The following CKMT2 variants were observed in gnomAD, a reference collection of about 807,000 sequenced individuals.
The protein encoded by CKMT2 is creatine kinase S-type, mitochondrial.
A neutral mutation model predicts 48.9 loss-of-function variants in CKMT2; 43 were observed. The observed-to-expected ratio is 0.88, with a 90% CI of 0.69 to 1.13. The LOEUF is 1.13. Ranked by LOEUF, CKMT2 falls within the 50% of genes most tolerant of loss-of-function variation. CKMT2 has a pLI of 0.00. For missense variants in CKMT2, 472 were observed against 555.4 expected (o/e 0.85, Z 1.51); for synonymous variants, 206 against 213.0 (o/e 0.97, Z 0.29).
intron 1 of CKMT2, chr5:81,244,304 C>A: frequency 1.9e-6 from 1 of 513,100 alleles, no homozygotes; most frequent in Non-Finnish European, 2.5e-6. Flanking sequence ...TGGTGTGGGC[C>A]TCTGTGTTCT....
chr5:81,254,398 G>T lies in CKMT2; in HGVS notation c.354G>T (p.Val118=). ...AACACCCATCTTCCCTCCTGCAGGT[G>T]TTTGCTGACCTTTTTGACCCCGTCA... ...MVAGDEESYE[V]FADLFDPVIK... The change falls in exon 4 of 10, where the codon GTG becomes GTT. Residue 118 remains valine, a splice_region_variant and synonymous_variant. Coordinates refer to ENST00000254035, the MANE Select transcript of CKMT2 (RefSeq NM_001099735.2). 2 of 1,614,028 alleles carry T rather than the reference G, an allele frequency of 1.2e-6. No homozygotes were observed. Among genetic ancestry groups the T allele is most frequent in the Non-Finnish European group, 1.7e-6 (2 of 1,179,864 alleles).
At chr5:81,247,736 A>G (rs1237249700) in intron 1 of CKMT2, among the ~76,000 whole-genome samples, 1 of 152,222 alleles carries the variant, frequency 6.6e-6, no homozygotes, top group Non-Finnish European at 1.5e-5. Flanking sequence ...GTGAAATTCA[A>G]TGCCTCTTTG....
At chr5:81,241,604 A>G (rs1199813967) in intron 1 of CKMT2, among the ~76,000 whole-genome samples, 2 of 152,208 alleles carry the variant, frequency 1.3e-5, no homozygotes, top group African/African-American at 4.8e-5. Context: ...TCCTTTTGAT[A>G]AAGGCAATTA....
At chr5:81,263,407 A>C (rs1233754318) in intron 8 of CKMT2, 84 bp from the exon 9 acceptor site, 1 of 820,474 alleles carries the variant, frequency 1.2e-6, no homozygotes, top group Non-Finnish European at 1.7e-6. Context: ...ATCTCTCACT[A>C]TATGTCTTTT....
intron 2 of CKMT2, chr5:81,251,885 T>C (rs1756828637): frequency 6.5e-6 from 1 of 152,870 alleles, no homozygotes; most frequent in Non-Finnish European, 1.5e-5. Flanking sequence ...AATATCTGTT[T>C]TTCATCTTAG....
Position 81,254,551 on chromosome 5 carries a change from G to A in CKMT2, c.447+60G>A, listed in dbSNP as rs1279887469. The A allele has an allele frequency of 2.8e-6, 4 of 1,451,904 alleles. No individual in the cohort carries two copies. The Admixed American group carries it at 6.7e-5, about 24-fold the overall frequency. 89.9% of individuals were successfully genotyped at this position (1,451,904 alleles called of 1,614,324 possible). A position where few individuals can be genotyped will look rare whatever the true frequency, so the allele number is the denominator to read the frequency against. On this transcript the variant is annotated intron_variant, in intron 4 of 9. Transcript: ENST00000254035. ...CTGGCACTCCTGAGCCCAAGGGGAAGGCCCCTGGAGAGAGGGGTTCCCCGC... is the reference window on the plus strand; with the variant it reads ...CTGGCACTCCTGAGCCCAAGGGGAAAGCCCCTGGAGAGAGGGGTTCCCCGC...
At chr5:81,254,712 G>A in intron 4 of CKMT2, 2 of 595,336 alleles carry the variant, frequency 3.4e-6, no homozygotes, top group South Asian at 4.2e-5. Context: ...TTGGTCATTG[G>A]GAACTTTAAA....
chr5:81,255,569 C>T (rs1756976575), intron 5 of CKMT2, among the ~76,000 whole-genome samples: 1 of 152,130 alleles, frequency 6.6e-6, no homozygotes, highest in South Asian at 2.1e-4. Context: ...AAGATGGTTT[C>T]CATTATCACA....
intron 1 of CKMT2, 143 bp from the exon 2 acceptor site, chr5:81,250,970 C>T: frequency 1.5e-6 from 1 of 656,312 alleles, no homozygotes; most frequent in East Asian, 2.6e-5. Context: ...CACACACACA[C>T]ACACACACAG....
chr5:81,263,015 G>GAACTCA, intron 8 of CKMT2, among the ~76,000 whole-genome samples: 1 of 152,282 alleles, frequency 6.6e-6, no homozygotes, highest in South Asian at 2.1e-4. Flanking sequence ...ATGAGTTCAT[G>GAACTCA]TCCTTTGCAG....
intron 8 of CKMT2, chr5:81,259,493 T>C (rs1454066296): frequency 4.3e-5 from 15 of 351,430 alleles, no homozygotes; most frequent in Non-Finnish European, 6.1e-5. Context: ...TTTTTCCTCA[T>C]GTAACAAATC....
intron 2 of CKMT2, chr5:81,252,140 T>C (rs1250768337): frequency 1.2e-5 from 2 of 160,906 alleles, no homozygotes; most frequent in Non-Finnish European, 2.7e-5. Flanking sequence ...TTCTCAGCCC[T>C]TGGAACCCTG....
At position 81,266,121 on chromosome 5, in the gene CKMT2, T is replaced by A; in HGVS notation, c.1141-18T>A. The A allele has an allele frequency of 6.2e-7, 1 of 1,609,994 alleles. No homozygotes were observed. Among genetic ancestry groups the A allele is most frequent in the Non-Finnish European group, 8.5e-7 (1 of 1,176,838 alleles). ...TGCTTCTATTCAAATTAATCATTCA[T>A]CTTCTTCACTGTCAAAGGTTGAGCT... On this transcript the variant is annotated intron_variant, in intron 9 of 9. Transcript: ENST00000254035.
intron 8 of CKMT2, 127 bp downstream of exon 8, chr5:81,259,381 G>GA: frequency 2.3e-6 from 2 of 882,324 alleles, no homozygotes; most frequent in Non-Finnish European, 3.2e-6. Flanking sequence ...ATAAAAATAA[G>GA]AAAAAAATTA....
chr5:81,261,382 G>A (rs745985321), intron 8 of CKMT2, among the ~76,000 whole-genome samples: 10 of 152,102 alleles, frequency 6.6e-5, no homozygotes, highest in African/African-American at 2.4e-4. Flanking sequence ...AGAAAGAAAG[G>A]GTATTCACGC....
intron 8 of CKMT2, among the ~76,000 whole-genome samples, chr5:81,259,548 CTCCATCTCTCCTAGT>C (rs1757137168): frequency 6.6e-6 from 1 of 152,164 alleles, no homozygotes; most frequent in African/African-American, 2.4e-5. Flanking sequence ...TATCTCCTTT[CTCCATCTCTCCTAGT>C]TCAAGCAGTT....
intron 8 of CKMT2, 128 bp downstream of exon 8, chr5:81,259,382 A>G (rs1383105467): frequency 1.6e-5 from 14 of 873,776 alleles, no homozygotes; most frequent in Non-Finnish European, 1.1e-5. Flanking sequence ...TAAAAATAAG[A>G]AAAAAATTAA....
chr5:81,257,064 A>G (rs1757036455), intron 6 of CKMT2, 64 bp downstream of exon 6: 7 of 1,352,212 alleles, frequency 5.2e-6, no homozygotes, highest in East Asian at 2.3e-5. Context: ...TCACCTGCTT[A>G]TCCTAACCTG....
intron 1 of CKMT2, chr5:81,238,550 T>C (rs1339747939): frequency 6.6e-6 from 1 of 152,200 alleles, no homozygotes; most frequent in East Asian, 1.9e-4. Context: ...ATCACTCTTC[T>C]GTGAAGACCT....
Sources: gnomAD v4.1 joint callset for allele counts (sites outside exome capture counted in the v4.1 genomes callset) on GRCh38, gnomAD v4.1.1 for gene constraint, MANE v1.5 for transcripts, NCBI Gene and HGNC (gene_info 2026-07-23, HGNC 2026-07-21) for gene names.